Variants in TGFBI observed in about 807,000 individuals in gnomAD.
TGFBI encodes the protein transforming growth factor-beta-induced protein ig-h3.
In TGFBI, 50 loss-of-function variants were observed where a neutral mutation model predicts 73.7. That is an observed-to-expected ratio of 0.68 (90% CI 0.54 to 0.86). The LOEUF (loss-of-function observed/expected upper bound fraction) is 0.86. Ranked by LOEUF, TGFBI falls within the 40% of genes least tolerant of loss-of-function variation. The pLI, the probability that TGFBI is intolerant of heterozygous loss-of-function variation, is 0.00. For missense variants in TGFBI, 839 were observed against 877.0 expected, an observed-to-expected ratio of 0.96 and a Z score of 0.55; for synonymous variants, 362 against 360.5, an observed-to-expected ratio of 1.00 and a Z score of -0.05.
At chr5:136,049,630 A>T in intron 7 of TGFBI, 50 bp downstream of exon 7, 1 of 1,579,920 alleles carries the variant, frequency 6.3e-7, no homozygotes, top group Non-Finnish European at 8.6e-7. Context: ...AGCTAGATTG[A>T]GCCCAAGACC....
Position 136,049,354 on chromosome 5 carries a change from G to A in TGFBI, c.772-85G>A, listed in dbSNP as rs1369400247. On this transcript the variant is annotated intron_variant, in intron 6 of 16. Coordinates refer to ENST00000442011, the MANE Select transcript of TGFBI (RefSeq NM_000358.3). ...TTCTGTGAAAGCCTCGAGCCCTTGC[G>A]GGGAACCAGTGAAGCTGTGTGTGCA... 2.9e-5 allele frequency: 45 copies of A among 1,528,558 alleles called. No individual in the cohort carries two copies. The Admixed American group carries it at 4.3e-4, about 15-fold the overall frequency. The allele number at this position is 1,528,558 out of a possible 1,614,324, so 94.7% of individuals were successfully genotyped here.
At chr5:136,051,604 G>A (rs982442399) in intron 7 of TGFBI, among the ~76,000 whole-genome samples, 9 of 152,198 alleles carry the variant, frequency 5.9e-5, no homozygotes, top group Admixed American at 3.9e-4. Context: ...CTGGAAGGAA[G>A]AGGTCCTTGC....
At position 136,044,062 on chromosome 5, in the gene TGFBI, A is replaced by G; in HGVS notation, c.238A>G (p.Ile80Val). The change falls in exon 3 of 17, where the codon ATC becomes GTC. Residue 80 changes from isoleucine to valine, a missense_variant. By Grantham distance (29) the Ile-to-Val change is conservative. Coordinates refer to ENST00000442011, the MANE Select transcript of TGFBI (RefSeq NM_000358.3). ...QRKICGKSTV[I>V]SYECCPGYEK... ...TGTATGGTTGTCTTGTTACAGAGTC[A>G]TCAGCTACGAGTGCTGTCCTGGATA... 3.1e-6 allele frequency: 5 copies of G among 1,613,380 alleles called. No homozygotes were observed. Among genetic ancestry groups the G allele is most frequent in the Middle Eastern group, 1.7e-4 (1 of 6,060 alleles).
intron 7 of TGFBI, among the ~76,000 whole-genome samples, chr5:136,050,148 C>T (rs1333295060): frequency 6.6e-6 from 1 of 152,190 alleles, no homozygotes; most frequent in Non-Finnish European, 1.5e-5. Context: ...GCCTGGCCAA[C>T]ATGGCGAAAC....
intron 3 of TGFBI, among the ~76,000 whole-genome samples, chr5:136,044,461 A>C (rs1341959327): frequency 6.6e-6 from 1 of 152,242 alleles, no homozygotes; most frequent in Non-Finnish European, 1.5e-5. Flanking sequence ...CACATCCAGC[A>C]GGGTCAGCCT....
At chr5:136,029,615 C>G (rs1383391759) in intron 1 of TGFBI, among the ~76,000 whole-genome samples, 1 of 152,224 alleles carries the variant, frequency 6.6e-6, no homozygotes, top group Non-Finnish European at 1.5e-5. Context: ...GCCAGCGACT[C>G]CAGACAAGAA....
chr5:136,029,015 C>A lies in TGFBI; in HGVS notation c.-41C>A, dbSNP rs753940748. 1.7e-5 allele frequency: 26 copies of A among 1,510,750 alleles called. No homozygotes were observed. In the South Asian group the frequency reaches 3.2e-4, roughly 19 times the overall value. The allele number at this position is 1,510,750 out of a possible 1,614,324, so 93.6% of individuals were successfully genotyped here. A position where few individuals can be genotyped will look rare whatever the true frequency, so the allele number is the denominator to read the frequency against. On this transcript the variant is annotated 5_prime_UTR_variant, in exon 1 of 17. Transcript: ENST00000442011. ...CACTTCCCTGGAGCCGCCCGCTTGC[C>A]CGTCGGTCGCTAGCTCGCTCGGTGC...
At chr5:136,033,123 A>AC (rs879373193) in intron 1 of TGFBI, among the ~76,000 whole-genome samples, 34 of 151,200 alleles carry the variant, frequency 2.2e-4, no homozygotes, top group Admixed American at 1.9e-3. Context: ...GAGAAGAGAC[A>AC]CCCCCCACCT....
chr5:136,047,753 A>C (rs978998528), intron 6 of TGFBI: 6 of 272,584 alleles, frequency 2.2e-5, no homozygotes, highest in Non-Finnish European at 3.5e-5. Flanking sequence ...GGGGTACTAG[A>C]ATAAATGGCC....
chr5:136,031,076 T>A (rs1054264915), intron 1 of TGFBI, among the ~76,000 whole-genome samples: 14 of 152,206 alleles, frequency 9.2e-5, no homozygotes, highest in African/African-American at 2.9e-4. Flanking sequence ...TTAATTAGCT[T>A]CCTGCAGCAC....
At position 136,029,209 on chromosome 5, in the gene TGFBI, C is replaced by CA; in HGVS notation, c.134+21dup. 6.8e-7 allele frequency: 1 copy of CA among 1,460,008 alleles called. No individual in the cohort carries two copies. Among genetic ancestry groups the CA allele is most frequent in the Non-Finnish European group, 9.0e-7 (1 of 1,110,968 alleles). The allele number at this position is 1,460,008 out of a possible 1,614,324, so 90.4% of individuals were successfully genotyped here. On this transcript the variant is annotated intron_variant, in intron 1 of 16. Coordinates refer to ENST00000442011, the MANE Select transcript of TGFBI (RefSeq NM_000358.3). ...GCACGGGTAAGCCGAGCCGCCTGGC[C>CA]AGGGGCTGCGGAAGGTCAGGTAGTC...
rs766764647 is a variant in TGFBI, at chr5:136,055,715, C to T, written c.1446C>T (p.His482=). ...TTGAGAACAGCTGCATCGCGGCCCA[C>T]GACAAGAGGGGGAGGTACGGGACCC... is the stretch of plus-strand genomic sequence containing the variant. ...LCIENSCIAA[H]DKRGRYGTLF... is the part of the protein sequence containing the mutation. Residue 482 remains histidine (H), a synonymous_variant, in exon 11 of 17, where the codon CAC becomes CAT. Coordinates refer to ENST00000442011, the MANE Select transcript of TGFBI (RefSeq NM_000358.3). 1.3e-5 allele frequency: 21 copies of T among 1,609,970 alleles called. No homozygotes were observed. Among genetic ancestry groups the T allele is most frequent in the East Asian group, 2.2e-5 (1 of 44,774 alleles).
At chr5:136,052,805 A>T in intron 7 of TGFBI, 102 bp from the exon 8 acceptor site, 1 of 1,160,688 alleles carries the variant, frequency 8.6e-7, no homozygotes, top group Non-Finnish European at 1.2e-6. Context: ...GAGGGTCCTC[A>T]TCTGAGAGAA....
chr5:136,055,681 G>T lies in TGFBI; in HGVS notation c.1412G>T (p.Ser471Ile). The change falls in exon 11 of 17, where the codon AGC becomes ATC. Residue 471 changes from serine to isoleucine, a missense_variant and splice_region_variant. Transcript: ENST00000442011. ...KKLRVFVYRN[S>I]LCIENSCIAA... Reference sequence around the variant, plus strand: ...TTTCTCTGTCCCTCTTCTGTGCAGAGCCTCTGCATTGAGAACAGCTGCATC... The same window carrying T: ...TTTCTCTGTCCCTCTTCTGTGCAGATCCTCTGCATTGAGAACAGCTGCATC... The T allele has an allele frequency of 1.3e-6, 2 of 1,599,594 alleles. No homozygotes were observed. The highest frequency in any genetic ancestry group is 1.7e-6 in the Non-Finnish European group (2 of 1,168,804).
chr5:136,055,972 A>G (rs543501917), intron 11 of TGFBI, among the ~76,000 whole-genome samples, 156 bp downstream of exon 11: 1 of 152,328 alleles, frequency 6.6e-6, no homozygotes, highest in East Asian at 1.9e-4. Context: ...GATGGGGAAA[A>G]GGCAAGGGTC....
intron 7 of TGFBI, among the ~76,000 whole-genome samples, chr5:136,051,862 G>A (rs933959480): frequency 6.6e-6 from 1 of 152,224 alleles, no homozygotes; most frequent in African/African-American, 2.4e-5. Flanking sequence ...GGCTGAATGT[G>A]GCCAGCACGG....
intron 1 of TGFBI, among the ~76,000 whole-genome samples, chr5:136,031,531 G>A (rs2237065): frequency 0.35 from 52,925 of 152,168 alleles, 11,314 homozygotes; most frequent in Non-Finnish European, 0.47. Flanking sequence ...CTGCAGCTTA[G>A]TGAGGTAGAG....
rs1216802180 is a variant in TGFBI, at chr5:136,063,461, G to A, written c.*235G>A. On this transcript the variant is annotated 3_prime_UTR_variant, in exon 17 of 17. Coordinates refer to ENST00000442011, the MANE Select transcript of TGFBI (RefSeq NM_000358.3). ...ACCCACTGCATGCAGAAACTTGGAT[G>A]TCACTGCCTGACATTCACTTCCAGA... is the stretch of plus-strand genomic sequence containing the variant. 2 of 511,876 alleles carry A rather than the reference G, an allele frequency of 3.9e-6. No individual in the cohort carries two copies. Among genetic ancestry groups the A allele is most frequent in the African/African-American group, 3.8e-5 (2 of 52,026 alleles). The allele number at this position is 511,876 out of a possible 1,614,324, so 31.7% of individuals were successfully genotyped here.
At chr5:136,047,243 G>T (rs764574538) in intron 5 of TGFBI, 31 bp from the exon 6 acceptor site, 17 of 1,611,244 alleles carry the variant, frequency 1.1e-5, no homozygotes, top group Non-Finnish European at 1.4e-5. Flanking sequence ...CTGTTGTGTT[G>T]ACTGCTCATC....
Sources: gnomAD v4.1 joint callset for allele counts (sites outside exome capture counted in the v4.1 genomes callset) on GRCh38, gnomAD v4.1.1 for gene constraint, MANE v1.5 for transcripts, NCBI Gene and HGNC (gene_info 2026-07-23, HGNC 2026-07-21) for gene names.